RPH3A: variants seen among roughly 807,000 people sequenced by gnomAD.
RPH3A encodes the protein rabphilin-3A.
Under a neutral mutation model 102.2 loss-of-function variants are expected in RPH3A, and 48 were observed. The ratio of observed to expected loss-of-function variants is 0.47; its 90% CI spans 0.37 to 0.60. The LOEUF (loss-of-function observed/expected upper bound fraction) is 0.60. Ranked by LOEUF, RPH3A falls within the 20% of genes least tolerant of loss-of-function variation. The probability of loss-of-function intolerance (pLI) is 0.00; values close to 1 mark genes in which losing one functional copy is unlikely to be tolerated. For synonymous variants in RPH3A, 310 were observed against 324.3 expected (o/e 0.96, Z 0.47); for missense variants, 781 against 910.1 (o/e 0.86, Z 1.83).
intron 1 of RPH3A, among the ~76,000 whole-genome samples, chr12:112,729,496 A>T (rs931221015): frequency 1.5e-4 from 22 of 149,026 alleles, no homozygotes; most frequent in African/African-American, 4.9e-4. Flanking sequence ...TACAAAGGGA[A>T]TTTTTTTTTT....
At chr12:112,831,970 C>A in intron 3 of RPH3A, 2 of 244,756 alleles carry the variant, frequency 8.2e-6, no homozygotes, top group Non-Finnish European at 1.7e-5. Context: ...TGTTTTTCAG[C>A]ATGAAAATTC....
In RPH3A at chr12:112,713,060, T is replaced by C. The variant is rs900067693; in HGVS notation, c.-139-79083T>C. On this transcript the variant is annotated intron_variant, in intron 1 of 21. Coordinates refer to the RPH3A transcript ENST00000543106. Reference sequence around the variant, plus strand: ...TTCTTCTTCTTCTTCTCCTTCTTCTTCTTCTTCTTCTTCTTCTTCTTCTTC... The same window carrying C: ...TTCTTCTTCTTCTTCTCCTTCTTCTCCTTCTTCTTCTTCTTCTTCTTCTTC... 8.2e-3 allele frequency among the ~76,000 whole-genome samples: 827 copies of C among 100,450 alleles called. 15 individuals are homozygous for C. Among genetic ancestry groups the C allele is most frequent in the Non-Finnish European group, 0.015 (646 of 42,866 alleles). The allele number at this position is 100,450 out of a possible 152,430, so 65.9% of individuals were successfully genotyped here.
intron 2 of RPH3A, among the ~76,000 whole-genome samples, chr12:112,825,509 C>T (rs931559080): frequency 2.0e-5 from 3 of 152,036 alleles, no homozygotes; most frequent in Non-Finnish European, 2.9e-5. Flanking sequence ...AAAATAATTA[C>T]TGCAATCTCC....
chr12:112,818,254 G>A (rs143932606), intron 2 of RPH3A, among the ~76,000 whole-genome samples: 1,586 of 148,920 alleles, frequency 0.011, 37 homozygotes, highest in African/African-American at 0.037. Context: ...AGCCGAGATC[G>A]CGCCACTGCA....
At chr12:112,677,463 TTCCTTCCTTC>T (rs1271183746) in intron 1 of RPH3A, among the ~76,000 whole-genome samples, 9 of 135,776 alleles carry the variant, frequency 6.6e-5, no homozygotes, top group African/African-American at 2.0e-4. Context: ...CCTTCCTTCC[TTCCTTCCTTC>T]CTTCCTTCCT....
intron 18 of RPH3A, 50 bp downstream of exon 18, chr12:112,890,130 A>G: frequency 6.6e-7 from 1 of 1,512,066 alleles, no homozygotes. Flanking sequence ...GTACTGGGCT[A>G]GGCTAGCATC....
chr12:112,693,146 TA>T (rs1283579379), intron 1 of RPH3A, among the ~76,000 whole-genome samples: 4 of 152,242 alleles, frequency 2.6e-5, no homozygotes, highest in East Asian at 3.8e-4. Flanking sequence ...GTTGACACCA[TA>T]CTGTCCAGGG....
intron 1 of RPH3A, among the ~76,000 whole-genome samples, chr12:112,648,099 A>G (rs973346581): frequency 2.0e-5 from 3 of 152,216 alleles, no homozygotes; most frequent in Non-Finnish European, 2.9e-5. Context: ...ACAGTTGAGG[A>G]GACAGATGGA....
At chr12:112,650,895 A>G (rs2039970211) in intron 1 of RPH3A, 1 of 151,810 alleles carries the variant, frequency 6.6e-6, no homozygotes, top group Non-Finnish European at 1.5e-5. Flanking sequence ...CACCTGGCTA[A>G]TTTTTTAATG....
At chr12:112,868,384 C>A in intron 7 of RPH3A, 46 bp from the exon 8 acceptor site, 1 of 1,593,186 alleles carries the variant, frequency 6.3e-7, no homozygotes, top group African/African-American at 1.3e-5. Context: ...GTAAGAGCAA[C>A]AGCGCTTGGC....
intron 1 of RPH3A, among the ~76,000 whole-genome samples, chr12:112,610,793 A>G (rs2039634162): frequency 6.6e-6 from 1 of 151,818 alleles, no homozygotes; most frequent in South Asian, 2.1e-4. Context: ...CGCCACGCCC[A>G]GCTAATGTTC....
chr12:112,823,053 T>G (rs904234132), intron 2 of RPH3A, among the ~76,000 whole-genome samples: 3 of 152,192 alleles, frequency 2.0e-5, no homozygotes, highest in African/African-American at 7.2e-5. Context: ...GCCACTGCCT[T>G]GGCCTTACCC....
intron 2 of RPH3A, among the ~76,000 whole-genome samples, chr12:112,804,758 G>A (rs2041425282): frequency 6.6e-6 from 1 of 152,136 alleles, no homozygotes; most frequent in Admixed American, 6.5e-5. Flanking sequence ...TATCTCCTAG[G>A]GTTCTTGTAA....
At chr12:112,815,717 G>A (rs2041660064) in intron 2 of RPH3A, among the ~76,000 whole-genome samples, 1 of 152,156 alleles carries the variant, frequency 6.6e-6, no homozygotes, top group South Asian at 2.1e-4. Context: ...GCAGCCAGGG[G>A]CCATTAAGCT....
At chr12:112,670,946 C>T (rs1360661934) in intron 1 of RPH3A, among the ~76,000 whole-genome samples, 2 of 151,968 alleles carry the variant, frequency 1.3e-5, no homozygotes, top group Non-Finnish European at 2.9e-5. Context: ...TTGCAAAGGG[C>T]GTGCATATAG....
intron 1 of RPH3A, among the ~76,000 whole-genome samples, chr12:112,777,793 A>G (rs1196808834): frequency 6.6e-6 from 1 of 152,240 alleles, no homozygotes; most frequent in African/African-American, 2.4e-5. Context: ...AATTTTGCTA[A>G]ATTCTATAGT....
intron 1 of RPH3A, among the ~76,000 whole-genome samples, chr12:112,649,226 G>A (rs570741653): frequency 1.3e-5 from 2 of 152,196 alleles, no homozygotes; most frequent in Non-Finnish European, 1.5e-5. Flanking sequence ...ATTACCTTTC[G>A]GAGTTGGAAA....
chr12:112,596,240 C>G lies in RPH3A; in HGVS notation c.-140+20921C>G, dbSNP rs547595204. Among the ~76,000 whole-genome samples, 208 of 152,288 alleles carry G rather than the reference C, an allele frequency of 1.4e-3. 3 individuals are homozygous for G. Among genetic ancestry groups the G allele is most frequent in the Middle Eastern group, 0.014 (4 of 294 alleles). Reference sequence around the variant, plus strand: ...CACTGCAGCCTTGAATTCCTGGACTCAAGTGACCCTCCTACCTTAGCCTCC... The same window carrying G: ...CACTGCAGCCTTGAATTCCTGGACTGAAGTGACCCTCCTACCTTAGCCTCC... On this transcript the variant is annotated intron_variant, in intron 1 of 21. Transcript: ENST00000543106.
intron 2 of RPH3A, among the ~76,000 whole-genome samples, chr12:112,824,843 G>A (rs1276522072): frequency 2.6e-5 from 4 of 152,168 alleles, no homozygotes; most frequent in Admixed American, 1.3e-4. Context: ...ACAAAGGAGA[G>A]TGCGAGCAGG....
Sources: gnomAD v4.1 joint callset for allele counts (sites outside exome capture counted in the v4.1 genomes callset) on GRCh38, gnomAD v4.1.1 for gene constraint, MANE v1.5 for transcripts, NCBI Gene and HGNC (gene_info 2026-07-23, HGNC 2026-07-21) for gene names.